Variants in TGFBRAP1 observed in about 807,000 individuals in gnomAD.
The protein encoded by TGFBRAP1 is transforming growth factor-beta receptor-associated protein 1.
In TGFBRAP1, 20 loss-of-function variants were observed where a neutral mutation model predicts 83.2. That is an observed-to-expected ratio of 0.24 (90% CI 0.17 to 0.35). The LOEUF (loss-of-function observed/expected upper bound fraction) is 0.35. TGFBRAP1 is among the 10% of genes least tolerant of loss of function. TGFBRAP1 has a pLI of 1.00. For synonymous variants in TGFBRAP1, 415 were observed against 459.8 expected (o/e 0.90, Z 1.25); for missense variants, 950 against 1,099.4 (o/e 0.86, Z 1.92).
At chr2:105,282,691 G>T (rs1309020718) in intron 5 of TGFBRAP1, among the ~76,000 whole-genome samples, 1 of 152,082 alleles carries the variant, frequency 6.6e-6, no homozygotes, top group Non-Finnish European at 1.5e-5. Flanking sequence ...AGGTCCCGTG[G>T]TGGCATACAC....
chr2:105,326,527 G>C (rs1344479540), intron 1 of TGFBRAP1, among the ~76,000 whole-genome samples: 1 of 152,162 alleles, frequency 6.6e-6, no homozygotes, highest in Non-Finnish European at 1.5e-5. Flanking sequence ...AAACCAACCT[G>C]GGCAACATGG....
intron 2 of TGFBRAP1, 77 bp from the exon 3 acceptor site, chr2:105,298,782 A>T: frequency 7.1e-7 from 1 of 1,406,528 alleles, no homozygotes. Flanking sequence ...GTCTGGATGC[A>T]GACCGACCCC....
intron 5 of TGFBRAP1, 105 bp from the exon 6 acceptor site, chr2:105,280,828 G>C: frequency 8.0e-7 from 1 of 1,251,558 alleles, no homozygotes; most frequent in African/African-American, 1.5e-5. Flanking sequence ...CGTTCACAGG[G>C]GGCTGGGGAG....
rs532908095 is a variant in TGFBRAP1, at chr2:105,287,702, ATGT to A, written c.1039-3307_1039-3305del. ...CTGGCATGCAGTAAGCACACAATAA[ATGT>A]TGTCTGTCTCTTCAGGCTGAGTCTG... On this transcript the variant is annotated intron_variant, in intron 4 of 11. Coordinates refer to ENST00000393359, the MANE Select transcript of TGFBRAP1 (RefSeq NM_004257.6). 3.2e-3 allele frequency among the ~76,000 whole-genome samples: 493 copies of A among 152,228 alleles called. 3 individuals are homozygous for A. Among genetic ancestry groups the A allele is most frequent in the Admixed American group, 7.7e-3 (118 of 15,286 alleles).
chr2:105,311,155 A>AC lies in TGFBRAP1; in HGVS notation c.-17-2838_-17-2837insG, dbSNP rs1232082350. Among the ~76,000 whole-genome samples, 79 of 144,368 alleles carry AC rather than the reference A, an allele frequency of 5.5e-4. No homozygotes were observed. The Middle Eastern group carries it at 0.018, about 33-fold the overall frequency. The allele number at this position is 144,368 out of a possible 152,430, so 94.7% of individuals were successfully genotyped here. ...AGGGAGAGAGAGCTGTAAAAAAAAA[A>AC]AAAAAACAAAAAACAAAAAAACATA... On this transcript the variant is annotated intron_variant, in intron 1 of 11. Transcript: ENST00000393359.
intron 1 of TGFBRAP1, among the ~76,000 whole-genome samples, chr2:105,320,407 T>A (rs934539736): frequency 6.6e-6 from 1 of 152,234 alleles, no homozygotes; most frequent in Non-Finnish European, 1.5e-5. Flanking sequence ...GTTTTTTTTT[T>A]TTCTTTATGA....
chr2:105,295,988 G>C (rs192434066), intron 4 of TGFBRAP1, among the ~76,000 whole-genome samples: 19 of 152,112 alleles, frequency 1.2e-4, no homozygotes, highest in Admixed American at 5.9e-4. Flanking sequence ...TAAATTCAGA[G>C]ACAAATTAAC....
chr2:105,314,963 A>AAG (rs1553408096), intron 1 of TGFBRAP1, among the ~76,000 whole-genome samples: 1 of 151,692 alleles, frequency 6.6e-6, no homozygotes, highest in Non-Finnish European at 1.5e-5. Context: ...AAAAAAAAAA[A>AAG]AAAGAAAGAA....
At chr2:105,313,898 A>G (rs938554059) in intron 1 of TGFBRAP1, among the ~76,000 whole-genome samples, 4 of 152,144 alleles carry the variant, frequency 2.6e-5, no homozygotes, top group Non-Finnish European at 4.4e-5. Flanking sequence ...TTTTGAAACA[A>G]GGAACAAGAC....
At position 105,278,054 on chromosome 2, in the gene TGFBRAP1, GTC is replaced by G. The variant is rs1677408033; in HGVS notation, c.1464-385_1464-384del. 2.7e-5 allele frequency among the ~76,000 whole-genome samples: 4 copies of G among 149,404 alleles called. No homozygotes were observed. The South Asian group carries it at 8.6e-4, about 32-fold the overall frequency. Reference sequence around the variant, plus strand: ...AGCCCGGGTGACGGAGTGAGACCCTGTCTCAAAAAATATATGTGTGTGTGTGT... The same window carrying G: ...AGCCCGGGTGACGGAGTGAGACCCTGTCAAAAAATATATGTGTGTGTGTGT... On this transcript the variant is annotated intron_variant, in intron 6 of 11. Transcript: ENST00000393359.
intron 1 of TGFBRAP1, among the ~76,000 whole-genome samples, chr2:105,316,448 TGTGTGTGTGTGTGTGC>T (rs1244031779): frequency 1.3e-5 from 1 of 76,122 alleles, no homozygotes; most frequent in Admixed American, 1.5e-4. Context: ...TGTGTGTGTG[TGTGTGTGTGTGTGTGC>T]GCGCGCGCGC....
intron 3 of TGFBRAP1, among the ~76,000 whole-genome samples, chr2:105,296,756 CTTTTTTTTT>C (rs60031957): frequency 7.6e-4 from 56 of 73,214 alleles, no homozygotes; most frequent in Admixed American, 1.3e-3. Flanking sequence ...CTTTTTTTGC[CTTTTTTTTT>C]TTTTTTTTTT....
chr2:105,290,793 T>C (rs1335560491), intron 4 of TGFBRAP1, among the ~76,000 whole-genome samples: 2 of 152,010 alleles, frequency 1.3e-5, no homozygotes, highest in African/African-American at 4.8e-5. Flanking sequence ...TCACCTGAGG[T>C]CAGGAGTTCG....
intron 10 of TGFBRAP1, among the ~76,000 whole-genome samples, chr2:105,272,549 T>C (rs1158206994): frequency 6.6e-6 from 1 of 152,046 alleles, no homozygotes; most frequent in Non-Finnish European, 1.5e-5. Flanking sequence ...AAGCCTTATT[T>C]CTCCCTGCAA....
At chr2:105,316,456 TGTGTGTGCGCGC>T (rs773978565) in intron 1 of TGFBRAP1, among the ~76,000 whole-genome samples, 3 of 71,722 alleles carry the variant, frequency 4.2e-5, no homozygotes, top group Middle Eastern at 6.1e-3. Context: ...TGTGTGTGTG[TGTGTGTGCGCGC>T]GCGCGCGCGC....
In TGFBRAP1 at chr2:105,269,219, C is replaced by T. The variant is rs1677056910; in HGVS notation, c.2406+53G>A. The T allele has an allele frequency of 7.3e-6, 11 of 1,500,158 alleles. No individual in the cohort carries two copies. Among genetic ancestry groups the T allele is most frequent in the Non-Finnish European group, 9.8e-6 (11 of 1,120,946 alleles). The allele number at this position is 1,500,158 out of a possible 1,614,324, so 92.9% of individuals were successfully genotyped here. ...CTATTTTTCCATCAGTAAAATCTACCTTCAGTACAATGTTGACTGACCAGG... is the reference window on the plus strand; with the variant it reads ...CTATTTTTCCATCAGTAAAATCTACTTTCAGTACAATGTTGACTGACCAGG... On this transcript the variant is annotated intron_variant, in intron 11 of 11. Coordinates refer to ENST00000393359, the MANE Select transcript of TGFBRAP1 (RefSeq NM_004257.6). The surrounding 1 kb of genome is among the most constrained non-coding windows in gnomAD (Gnocchi z 4.1).
chr2:105,290,801 T>A (rs1207647761), intron 4 of TGFBRAP1, among the ~76,000 whole-genome samples: 1 of 152,076 alleles, frequency 6.6e-6, no homozygotes, highest in African/African-American at 2.4e-5. Context: ...GGTCAGGAGT[T>A]CGAGACCAGC....
chr2:105,322,997 GGA>G (rs948733527), intron 1 of TGFBRAP1, among the ~76,000 whole-genome samples: 19 of 152,186 alleles, frequency 1.2e-4, no homozygotes, highest in African/African-American at 4.3e-4. Context: ...CATATAATTA[GGA>G]GAGAAAGCTA....
chr2:105,271,382 T>C (rs898727599), intron 10 of TGFBRAP1, among the ~76,000 whole-genome samples: 8 of 152,008 alleles, frequency 5.3e-5, no homozygotes, highest in African/African-American at 1.2e-4. Context: ...CAGGAGTGAG[T>C]AAAAATTCAA....
Sources: allele counts gnomAD v4.1 joint callset (sites outside exome capture counted in the v4.1 genomes callset), GRCh38; gene constraint gnomAD v4.1.1; non-coding constraint Gnocchi (gnomAD v3.1); transcripts MANE v1.5; gene names NCBI Gene and HGNC (gene_info 2026-07-23, HGNC 2026-07-21).